Variants in RNF25 observed in about 807,000 individuals in gnomAD.
RNF25 encodes ring finger protein 25.
Under a neutral mutation model 65.0 loss-of-function variants are expected in RNF25, and 32 were observed. The observed-to-expected ratio is 0.49, with a 90% CI of 0.37 to 0.66. The LOEUF (loss-of-function observed/expected upper bound fraction) is 0.66. RNF25 is among the 30% of genes least tolerant of loss of function. The pLI is 0.00. For missense variants in RNF25, 493 were observed against 584.8 expected, an observed-to-expected ratio of 0.84 and a Z score of 1.62; for synonymous variants, 207 against 221.2, an observed-to-expected ratio of 0.94 and a Z score of 0.57.
In RNF25 at chr2:218,664,470, G is replaced by C; in HGVS notation, c.867C>G (p.Thr289=). ...GTGAGGTGGATAGTTCTGCTGCAAG[G>C]GTGCTGGGTGGTTGGGATCCTTTGG... ...DVSKGSQPPS[T]LAAELSTSPA... The change falls in exon 10 of 10, where the codon ACC becomes ACG. Residue 289 remains threonine, a synonymous_variant. Coordinates refer to ENST00000295704, the MANE Select transcript of RNF25 (RefSeq NM_022453.3). This position sits in a 1 kb window ranked among gnomAD's most constrained non-coding sequence, Gnocchi z 5.1. The C allele has an allele frequency of 6.2e-7, 1 of 1,614,156 alleles. No individual in the cohort carries two copies. The highest frequency in any genetic ancestry group is 8.5e-7 in the Non-Finnish European group (1 of 1,180,028).
In RNF25 at chr2:218,664,093, C is replaced by A. The variant is rs139628113; in HGVS notation, c.1244G>T (p.Arg415Leu). 4 of 1,522,560 alleles carry A rather than the reference C, an allele frequency of 2.6e-6. No homozygotes were observed. The East Asian group carries it at 9.1e-5, about 34-fold the overall frequency. 94.3% of individuals were successfully genotyped at this position (1,522,560 alleles called of 1,614,324 possible). A position where few individuals can be genotyped will look rare whatever the true frequency, so the allele number is the denominator to read the frequency against. The part of the protein sequence containing the change: ...SWQGPPPRRT[R>L]DCVRWERSKG... ...AGAGCGCTCCCAGCGAACACAGTCC[C>A]GAGTCCTGCGGGGTGGGGGCCCCTG... Residue 415 changes from arginine to leucine, a missense_variant, in exon 10 of 10, where the codon CGG becomes CTG. By Grantham distance (102) the Arg-to-Leu change is moderately radical. Around this residue, in one of 3 missense-constraint regions of RNF25, gnomAD observed 351 missense variants for 400.2 expected, o/e 0.88. Transcript: ENST00000295704. This position sits in a 1 kb window ranked among gnomAD's most constrained non-coding sequence, Gnocchi z 5.1.
intron 5 of RNF25, among the ~76,000 whole-genome samples, chr2:218,666,895 G>A (rs968446465): frequency 5.9e-5 from 9 of 152,192 alleles, no homozygotes; most frequent in Non-Finnish European, 1.0e-4. Flanking sequence ...GAGGCTGGGC[G>A]TGGTGGCTCA....
At position 218,663,945 on chromosome 2, in the gene RNF25, C is replaced by G. The variant is rs763037883; in HGVS notation, c.*12G>C. 54 of 1,427,796 alleles carry G rather than the reference C, an allele frequency of 3.8e-5. No individual in the cohort carries two copies. The highest frequency in any genetic ancestry group is 2.9e-4 in the African/African-American group (20 of 70,080). The allele number at this position is 1,427,796 out of a possible 1,614,324, so 88.4% of individuals were successfully genotyped here. A position where few individuals can be genotyped will look rare whatever the true frequency, so the allele number is the denominator to read the frequency against. On this transcript the variant is annotated 3_prime_UTR_variant, in exon 10 of 10. Transcript: ENST00000295704. ...CCCATCCCCAATTCCCTGTTCCCCC[C>G]ACCAAGTCCTGCTAGGAACCATCCT...
intron 7 of RNF25, among the ~76,000 whole-genome samples, chr2:218,665,548 G>A (rs1939805839): frequency 1.3e-5 from 2 of 152,052 alleles, no homozygotes; most frequent in South Asian, 2.1e-4. Context: ...TTTGAGACCA[G>A]CCTGGCCAAC....
intron 1 of RNF25, among the ~76,000 whole-genome samples, chr2:218,669,417 T>C (rs974534849): frequency 1.2e-4 from 18 of 152,262 alleles, no homozygotes; most frequent in African/African-American, 4.1e-4. Flanking sequence ...TGGGCTATCG[T>C]AGCTAGTCTA....
chr2:218,668,831 A>G (rs531309745), intron 1 of RNF25, 152 bp from the exon 2 acceptor site: 3 of 626,964 alleles, frequency 4.8e-6, no homozygotes, highest in South Asian at 3.8e-5. Flanking sequence ...TGTTACCTTA[A>G]GTTGTCAACT....
intron 1 of RNF25, among the ~76,000 whole-genome samples, chr2:218,671,025 T>C (rs754493857): frequency 6.6e-6 from 1 of 151,680 alleles, no homozygotes; most frequent in Non-Finnish European, 1.5e-5. Context: ...ATACAAAAAT[T>C]AGCCAGGCAT....
At chr2:218,666,711 G>T (rs770467768) in intron 5 of RNF25, among the ~76,000 whole-genome samples, 56 of 152,162 alleles carry the variant, frequency 3.7e-4, no homozygotes, top group Non-Finnish European at 7.1e-4. Context: ...CTATGCATTT[G>T]AATTGTTATT....
rs143196085 is a variant in RNF25, at chr2:218,663,997, C to G, written c.1340G>C (p.Arg447Pro). The stretch of plus-strand genomic sequence containing the variant: ...AGATTCCAGGCCCAGGGACTCCCTC[C>G]GAGTACCAGGCCGGTATGCTCCCTG... ...RGQGAYRPGT[R>P]RESLGLESKD... is the part of the protein sequence containing the mutation. Residue 447 changes from arginine to proline, a missense_variant, in exon 10 of 10, where the codon CGG (arginine) becomes CCG (proline). By Grantham distance (103) the Arg-to-Pro change is moderately radical (BLOSUM62 -2). Coordinates refer to ENST00000295704, the MANE Select transcript of RNF25 (RefSeq NM_022453.3). 1.4e-6 allele frequency: 2 copies of G among 1,466,992 alleles called. No homozygotes were observed. Among genetic ancestry groups the G allele is most frequent in the Non-Finnish European group, 1.8e-6 (2 of 1,108,104 alleles). The allele number at this position is 1,466,992 out of a possible 1,614,324, so 90.9% of individuals were successfully genotyped here. A position where few individuals can be genotyped will look rare whatever the true frequency, so the allele number is the denominator to read the frequency against.
chr2:218,667,804 A>C, intron 5 of RNF25, 108 bp downstream of exon 5: 2 of 1,003,778 alleles, frequency 2.0e-6, no homozygotes, highest in Non-Finnish European at 3.0e-6. Context: ...GGCCTTACCT[A>C]ATGACTCCAG....
chr2:218,670,695 C>CAA (rs34923737), intron 1 of RNF25, among the ~76,000 whole-genome samples: 914 of 32,248 alleles, frequency 0.028, 48 homozygotes, highest in African/African-American at 0.072. Flanking sequence ...GACTCCGTCT[C>CAA]AAAAAAAAAA....
rs13022721 is a variant in RNF25 at position 218,664,272 on chromosome 2, T to C, written c.1065A>G (p.Pro355=). 86,695 of 1,607,712 alleles carry C rather than the reference T, an allele frequency of 0.054. 5,483 individuals carry two copies. The highest frequency in any genetic ancestry group is 0.33 in the African/African-American group (24,379 of 74,806). Residue 355 remains proline, a synonymous_variant, in exon 10 of 10, where the codon CCA becomes CCG. Coordinates refer to ENST00000295704, the MANE Select transcript of RNF25 (RefSeq NM_022453.3). This position sits in a 1 kb window ranked among gnomAD's most constrained non-coding sequence, Gnocchi z 5.1. The part of the protein sequence containing the change: ...GPWRQPERRH[P]KGGECHAPKG... ...TAGGGGCGTGGCACTCCCCTCCCTT[T>C]GGGTGCCTCCGTTCGGGCTGTCGCC...
chr2:218,665,869 C>A, intron 7 of RNF25, 47 bp downstream of exon 7: 1 of 1,570,724 alleles, frequency 6.4e-7, no homozygotes, highest in Non-Finnish European at 8.6e-7. Flanking sequence ...TTGTGAAAGG[C>A]TGTGCCTAAG....
chr2:218,666,202 T>C lies in RNF25; in HGVS notation c.386A>G (p.Asn129Ser). The stretch of plus-strand genomic sequence containing the variant: ...GATGACACACTGGCCATGAGGGATG[T>C]TGTTATCTGTGAGAATTTCCTTCCC... ...EKGKEILTDN[N>S]IPHGQCVICL... The change falls in exon 6 of 10, where the codon AAC becomes AGC. Residue 129 changes from asparagine (N) to serine (S), a missense_variant. This residue lies in a region of RNF25 where 108 missense variants were observed against 166.0 expected (regional missense o/e 0.65). Coordinates refer to ENST00000295704, the MANE Select transcript of RNF25 (RefSeq NM_022453.3). 6.2e-7 allele frequency: 1 copy of C among 1,614,038 alleles called. No homozygotes were observed. The highest frequency in any genetic ancestry group is 8.5e-7 in the Non-Finnish European group (1 of 1,179,970).
rs1486988531 is a variant in RNF25 at position 218,671,949 on chromosome 2, C to A, written c.22G>T (p.Ala8Ser). The A allele has an allele frequency of 1.2e-6, 2 of 1,614,250 alleles. No individual in the cohort carries two copies. The highest frequency in any genetic ancestry group is 1.7e-6 in the Non-Finnish European group (2 of 1,180,048). The change falls in exon 1 of 10, where the codon GCT (alanine) becomes TCT (serine). Residue 8 changes from alanine to serine, a missense_variant. Physicochemically the swap from Ala to Ser is moderately conservative, Grantham distance 99. Transcript: ENST00000295704. ...AGTTACCAGTCCTCCTCCCCTGCAG[C>A]TGCAGACGCAGACGCCGCCATATCT... The part of the protein sequence containing the change: MAASASA[A>S]AGEEDWVLPS...
chr2:218,668,798 A>G (rs561095426), intron 1 of RNF25, 119 bp from the exon 2 acceptor site: 2 of 712,190 alleles, frequency 2.8e-6, no homozygotes. Flanking sequence ...TTCTCCTGCT[A>G]AACTCCTTAA....
rs1939896964 is a variant in RNF25, at chr2:218,669,168, A to G, written c.42-489T>C. ...CAGTCACCCTAAGCCTTCTTAAAGG[A>G]GATAGCAACCTCAACACAACATATT... On this transcript the variant is annotated intron_variant, in intron 1 of 9. Coordinates refer to ENST00000295704, the MANE Select transcript of RNF25 (RefSeq NM_022453.3). 3.3e-5 allele frequency among the ~76,000 whole-genome samples: 5 copies of G among 152,240 alleles called. No individual in the cohort carries two copies. In the South Asian group the frequency reaches 1.0e-3, roughly 32 times the overall value.
chr2:218,668,212 T>G, intron 3 of RNF25, 27 bp downstream of exon 3: 1 of 1,612,596 alleles, frequency 6.2e-7, no homozygotes. Context: ...CCTTCCTCCC[T>G]TTGCTGCCAC....
Position 218,664,449 on chromosome 2 carries a change from G to A in RNF25, c.888C>T (p.Thr296=). The A allele has an allele frequency of 6.8e-6, 11 of 1,614,222 alleles. No individual in the cohort carries two copies. The highest frequency in any genetic ancestry group is 9.3e-6 in the Non-Finnish European group (11 of 1,180,042). The change falls in exon 10 of 10, where the codon ACC becomes ACT. Residue 296 remains threonine (T), a synonymous_variant. Coordinates refer to ENST00000295704, the MANE Select transcript of RNF25 (RefSeq NM_022453.3). The surrounding 1 kb of genome is among the most constrained non-coding windows in gnomAD (Gnocchi z 5.1). ...PPSTLAAELS[T]SPAVQSTLPP... ...GCAAAGTGGATTGGACGGCTGGTGA[G>A]GTGGATAGTTCTGCTGCAAGGGTGC... is the stretch of plus-strand genomic sequence containing the variant.
Sources: gnomAD v4.1 joint callset for allele counts (sites outside exome capture counted in the v4.1 genomes callset) on GRCh38, gnomAD v4.1.1 for gene constraint, gnomAD v4.1.1 regional missense constraint, Gnocchi (gnomAD v3.1) non-coding constraint, MANE v1.5 for transcripts, NCBI Gene and HGNC (gene_info 2026-07-23, HGNC 2026-07-21) for gene names.